Variants in FTCDNL1 observed in about 807,000 individuals in gnomAD.
The protein encoded by FTCDNL1 is formiminotransferase cyclodeaminase N-terminal like.
FTCDNL1 carries 11 observed loss-of-function variants against 5.9 expected under a neutral mutation model. That is an observed-to-expected ratio of 1.87 (90% CI 1.18 to 3.10). The LOEUF (loss-of-function observed/expected upper bound fraction) is 3.10. Among genes scored for constraint, FTCDNL1 ranks in the 30% most tolerant of loss-of-function variants. The probability of loss-of-function intolerance (pLI) is 0.00; values close to 1 mark genes in which losing one functional copy is unlikely to be tolerated. For missense variants in FTCDNL1, 115 were observed against 65.5 expected (o/e 1.76, Z -2.61); for synonymous variants, 58 against 24.8 (o/e 2.34, Z -3.99).
the FTCDNL1 span, among the ~76,000 whole-genome samples, chr2:199,752,977 T>C: frequency 1.4e-4 from 22 of 152,238 alleles, no homozygotes; most frequent in African/African-American, 2.9e-4. Context: ...GTCTGTCTCA[T>C]TGACGATAAG....
downstream of FTCDNL1, chr2:199,760,509 G>A (rs1698221496): frequency 2.8e-6 from 1 of 354,418 alleles, no homozygotes. Flanking sequence ...ATATAAGAGG[G>A]TGAGTCAGTC....
At chr2:199,806,972 T>C (rs1181305213), downstream of FTCDNL1, among the ~76,000 whole-genome samples, 2 of 152,206 alleles carry the variant, frequency 1.3e-5, no homozygotes, top group Admixed American at 1.3e-4. Context: ...ATGAAGCACA[T>C]ATTCCATACA....
At chr2:199,752,881 G>A in the FTCDNL1 span, among the ~76,000 whole-genome samples, 12 of 151,718 alleles carry the variant, frequency 7.9e-5, no homozygotes, top group Non-Finnish European at 1.8e-4. Context: ...AGAAGTATAT[G>A]AGATATGAAA....
At chr2:199,785,273 A>C (rs1386018314) in intron 3 of FTCDNL1, among the ~76,000 whole-genome samples, 1 of 368 alleles carries the variant, frequency 2.7e-3, no homozygotes, top group Admixed American at 0.028. Flanking sequence ...TTTGAGACAG[A>C]ATCTCACTCT....
the FTCDNL1 span, among the ~76,000 whole-genome samples, chr2:199,745,703 C>T: frequency 2.6e-5 from 4 of 152,196 alleles, no homozygotes; most frequent in East Asian, 7.7e-4. Flanking sequence ...ATAACTTCTC[C>T]ACAAGGACCC....
chr2:199,786,787 C>T (rs1356505965), intron 3 of FTCDNL1, among the ~76,000 whole-genome samples: 3 of 152,204 alleles, frequency 2.0e-5, no homozygotes, highest in Admixed American at 6.5e-5. Context: ...TGGCAACTTG[C>T]TGTGACAAGT....
At chr2:199,728,041 T>A in the FTCDNL1 span, among the ~76,000 whole-genome samples, 27 of 152,194 alleles carry the variant, frequency 1.8e-4, no homozygotes. Flanking sequence ...AGGGGCTCAC[T>A]TTTTATCCTG....
At chr2:199,748,381 T>C in the FTCDNL1 span, among the ~76,000 whole-genome samples, 3 of 152,180 alleles carry the variant, frequency 2.0e-5, no homozygotes, top group Non-Finnish European at 4.4e-5. Context: ...TTGAAAACTA[T>C]GTTACCAAAG....
chr2:199,802,741 C>T (rs1574555944), intron 3 of FTCDNL1, among the ~76,000 whole-genome samples: 2 of 152,218 alleles, frequency 1.3e-5, no homozygotes, highest in East Asian at 1.9e-4. Flanking sequence ...AGAAATCTGG[C>T]GATGTGCAGT....
rs1322585017 is a variant in FTCDNL1 at position 199,809,684 on chromosome 2, T to C, written c.*3021A>G. Among the ~76,000 whole-genome samples, 3 of 152,218 alleles carry C rather than the reference T, an allele frequency of 2.0e-5. No homozygotes were observed. The highest frequency in any genetic ancestry group is 6.5e-5 in the Admixed American group (1 of 15,284). On this transcript the variant is annotated 3_prime_UTR_variant, in exon 5 of 5. Coordinates refer to ENST00000420128, the MANE Select transcript of FTCDNL1 (RefSeq NM_001363886.2). ...AAAAACAGTATGTTCTCTAAACCTT[T>C]AGACTTTCCATCTGAATTCCAAAAG...
the FTCDNL1 span, among the ~76,000 whole-genome samples, chr2:199,754,496 A>G: frequency 6.6e-6 from 1 of 152,176 alleles, no homozygotes; most frequent in Non-Finnish European, 1.5e-5. Context: ...TAACACCAGG[A>G]GGCCACCACA....
intron 3 of FTCDNL1, among the ~76,000 whole-genome samples, chr2:199,839,161 T>A (rs1168445438): frequency 6.8e-6 from 1 of 147,010 alleles, no homozygotes; most frequent in East Asian, 2.0e-4. Context: ...GGAAAGCCTT[T>A]AAAAAAAAAA....
chr2:199,705,228 T>G, the FTCDNL1 span, among the ~76,000 whole-genome samples: 1 of 152,176 alleles, frequency 6.6e-6, no homozygotes, highest in Non-Finnish European at 1.5e-5. Flanking sequence ...CCTACAGTTT[T>G]GGTCTGGACA....
intron 4 of FTCDNL1, among the ~76,000 whole-genome samples, chr2:199,813,640 C>T (rs889779890): frequency 5.3e-5 from 8 of 152,176 alleles, no homozygotes; most frequent in South Asian, 2.1e-4. Context: ...AGGCTGGGTG[C>T]GGTGGATCAT....
intron 3 of FTCDNL1, among the ~76,000 whole-genome samples, chr2:199,789,880 T>C (rs1699835463): frequency 6.6e-6 from 1 of 152,006 alleles, no homozygotes; most frequent in Non-Finnish European, 1.5e-5. Context: ...ATACTTGGAA[T>C]AAAGTTTCCA....
intron 3 of FTCDNL1, among the ~76,000 whole-genome samples, chr2:199,842,969 GGAT>G (rs1187202350): frequency 2.0e-5 from 3 of 151,480 alleles, no homozygotes; most frequent in African/African-American, 4.8e-5. Flanking sequence ...AAAAAAATTT[GGAT>G]GATATTAGAT....
At chr2:199,765,556 A>ATATATATATATATATATATATATTTTTTT in intron 3 of FTCDNL1, among the ~76,000 whole-genome samples, 1 of 42,656 alleles carries the variant, frequency 2.3e-5, no homozygotes, top group African/African-American at 6.4e-5. Flanking sequence ...ATATATATAT[A>ATATATATATATATATATATATATTTTTTT]TTTTTTTTTT....
intron 3 of FTCDNL1, among the ~76,000 whole-genome samples, chr2:199,788,889 T>C (rs898794847): frequency 5.3e-5 from 8 of 152,030 alleles, no homozygotes; most frequent in South Asian, 4.1e-4. Flanking sequence ...ATGAGAATTC[T>C]ATGTGTAACT....
At position 199,760,644 on chromosome 2, in the gene FTCDNL1, T is replaced by C. The variant is rs1015832049; in HGVS notation, c.*169A>G. 7.1e-6 allele frequency: 4 copies of C among 562,724 alleles called. No individual in the cohort carries two copies. In the African/African-American group the frequency reaches 7.4e-5, roughly 10 times the overall value. The allele number at this position is 562,724 out of a possible 1,614,324, so 34.9% of individuals were successfully genotyped here. On this transcript the variant is annotated 3_prime_UTR_variant, in exon 4 of 4. Coordinates refer to the FTCDNL1 transcript ENST00000416668. ...TTACAAATGTAAATGCAATATACCC[T>C]CTATTTAGAATTTAGTAATTCTGGG...
Sources: allele counts gnomAD v4.1 joint callset (sites outside exome capture counted in the v4.1 genomes callset), GRCh38; gene constraint gnomAD v4.1.1; transcripts MANE v1.5; gene names NCBI Gene and HGNC (gene_info 2026-07-23, HGNC 2026-07-21).